The following INPP4B variants were observed in gnomAD, a reference collection of about 807,000 sequenced individuals.
The protein encoded by INPP4B is inositol polyphosphate 4-phosphatase type II.
In INPP4B, 55 loss-of-function variants were observed where a neutral mutation model predicts 122.5. The ratio of observed to expected loss-of-function variants is 0.45; its 90% CI spans 0.36 to 0.56. The LOEUF is 0.56. INPP4B is among the 20% of genes least tolerant of loss of function. The pLI is 0.00. For missense variants in INPP4B, 1,000 were observed against 1,097.7 expected (o/e 0.91, Z 1.26); for synonymous variants, 403 against 388.7 (o/e 1.04, Z -0.43).
chr4:142,243,443 G>A (rs1860539733), intron 11 of INPP4B, among the ~76,000 whole-genome samples: 1 of 152,134 alleles, frequency 6.6e-6, no homozygotes, highest in African/African-American at 2.4e-5. Context: ...CAAAGCCAGT[G>A]GATTGCATCA....
intron 19 of INPP4B, 92 bp from the exon 20 acceptor site, chr4:142,123,507 T>A: frequency 7.8e-7 from 1 of 1,290,260 alleles, no homozygotes; most frequent in Non-Finnish European, 1.1e-6. Context: ...CATCACAGAT[T>A]CGATTATCAG....
chr4:142,775,471 C>A (rs1172391201), intron 1 of INPP4B, among the ~76,000 whole-genome samples: 1 of 151,302 alleles, frequency 6.6e-6, no homozygotes, highest in Non-Finnish European at 1.5e-5. Context: ...GCTTACTTAC[C>A]CTCTGCATAT....
At chr4:142,806,764 G>GAAGAAAGAAAGAAAGAAAGAAAGAAGGA (rs796400415) in intron 1 of INPP4B, among the ~76,000 whole-genome samples, 14 of 39,102 alleles carry the variant, frequency 3.6e-4, no homozygotes, top group Middle Eastern at 0.016. Context: ...GAAGAAGAAA[G>GAAGAAAGAAAGAAAGAAAGAAAGAAGGA]AAGAAAGAAA....
intron 2 of INPP4B, among the ~76,000 whole-genome samples, chr4:142,480,326 G>A (rs1253901813): frequency 6.6e-6 from 1 of 152,104 alleles, no homozygotes; most frequent in East Asian, 1.9e-4. Flanking sequence ...GAGGCAGGAG[G>A]GTGGGGAGGA....
intron 11 of INPP4B, among the ~76,000 whole-genome samples, chr4:142,249,601 T>G (rs926930510): frequency 6.6e-6 from 1 of 152,104 alleles, no homozygotes; most frequent in Non-Finnish European, 1.5e-5. Flanking sequence ...CTTCAAACAT[T>G]TGAGAGCCAA....
At chr4:142,701,264 C>G (rs12504610) in intron 2 of INPP4B, among the ~76,000 whole-genome samples, 121,827 of 151,914 alleles carry the variant, frequency 0.8, 49,172 homozygotes, top group East Asian at 0.85. Context: ...GGTCTCCATA[C>G]TGGTTAGTAG....
intron 15 of INPP4B, among the ~76,000 whole-genome samples, chr4:142,191,563 C>T (rs1497141): frequency 0.058 from 8,830 of 152,178 alleles, 879 homozygotes; most frequent in African/African-American, 0.2. Flanking sequence ...CTTCCAACTC[C>T]CATAAAGTAA....
At chr4:142,226,504 CT>C (rs1851650768) in intron 12 of INPP4B, among the ~76,000 whole-genome samples, 1 of 152,136 alleles carries the variant, frequency 6.6e-6, no homozygotes, top group Non-Finnish European at 1.5e-5. Flanking sequence ...TATTATTTGC[CT>C]ACTCTTCCCT....
intron 25 of INPP4B, among the ~76,000 whole-genome samples, chr4:142,078,578 C>G (rs1772128778): frequency 6.6e-6 from 1 of 151,942 alleles, no homozygotes; most frequent in African/African-American, 2.4e-5. Context: ...CTTCAGAGAG[C>G]TGCTTCTTGT....
chr4:142,694,337 C>T (rs1760705671), intron 2 of INPP4B, among the ~76,000 whole-genome samples: 1 of 146,718 alleles, frequency 6.8e-6, no homozygotes, highest in Non-Finnish European at 1.5e-5. Context: ...TGTACCACTG[C>T]ACTTTAGCCT....
intron 7 of INPP4B, among the ~76,000 whole-genome samples, chr4:142,332,614 A>G (rs1774963504): frequency 6.6e-6 from 1 of 152,154 alleles, no homozygotes; most frequent in South Asian, 2.1e-4. Flanking sequence ...TGTAAAGTTA[A>G]GAAAACTGAG....
intron 25 of INPP4B, among the ~76,000 whole-genome samples, chr4:142,044,770 C>G (rs1057252330): frequency 5.3e-5 from 8 of 152,008 alleles, no homozygotes; most frequent in Admixed American, 6.6e-5. Flanking sequence ...CGTTGTTTCT[C>G]AGGAGAACAA....
chr4:142,169,185 ACTAT>A (rs1166496159), intron 16 of INPP4B, among the ~76,000 whole-genome samples: 9 of 151,642 alleles, frequency 5.9e-5, no homozygotes, highest in South Asian at 2.1e-4. Context: ...TTTATTGTAT[ACTAT>A]CTCTTATTTC....
chr4:142,787,594 T>G (rs1407108687), intron 1 of INPP4B, among the ~76,000 whole-genome samples: 1 of 152,136 alleles, frequency 6.6e-6, no homozygotes, highest in Non-Finnish European at 1.5e-5. Context: ...TATTACCAAC[T>G]TATTTTATAC....
At chr4:142,594,941 T>A (rs567038759) in intron 2 of INPP4B, among the ~76,000 whole-genome samples, 145 of 114,888 alleles carry the variant, frequency 1.3e-3, no homozygotes, top group Non-Finnish European at 1.8e-3. Flanking sequence ...GGCGACAGGG[T>A]GAGACTCTGT....
intron 2 of INPP4B, among the ~76,000 whole-genome samples, chr4:142,690,876 A>T (rs1180681052): frequency 6.6e-6 from 1 of 152,172 alleles, no homozygotes; most frequent in Admixed American, 6.6e-5. Context: ...TAGAAACCAC[A>T]GAGTCCAGGA....
At chr4:142,042,134 C>T (rs954868333) in intron 25 of INPP4B, among the ~76,000 whole-genome samples, 1 of 152,192 alleles carries the variant, frequency 6.6e-6, no homozygotes, top group African/African-American at 2.4e-5. Context: ...CTCCTACTGT[C>T]AGAAGCTGTT....
chr4:142,430,600 CA>C (rs949106616), intron 4 of INPP4B, among the ~76,000 whole-genome samples: 4 of 152,006 alleles, frequency 2.6e-5, no homozygotes, highest in African/African-American at 9.7e-5. Flanking sequence ...ACAATTCTTC[CA>C]ATGATTTTAT....
chr4:142,363,639 C>G (rs1786328545), intron 7 of INPP4B, among the ~76,000 whole-genome samples: 1 of 151,868 alleles, frequency 6.6e-6, no homozygotes, highest in African/African-American at 2.4e-5. Context: ...ACCAAAATTT[C>G]AAAACTCATT....
Sources: allele counts gnomAD v4.1 joint callset (sites outside exome capture counted in the v4.1 genomes callset), GRCh38; gene constraint gnomAD v4.1.1; transcripts MANE v1.5; gene names NCBI Gene and HGNC (gene_info 2026-07-23, HGNC 2026-07-21).